The following TULP4 variants were observed in gnomAD, a reference collection of about 807,000 sequenced individuals.
TULP4 encodes the protein TUB like protein 4.
TULP4 carries 16 observed loss-of-function variants against 129.0 expected under a neutral mutation model. The observed-to-expected ratio is 0.12, with a 90% CI of 0.08 to 0.19. The LOEUF is 0.19. Ranked by LOEUF, TULP4 falls within the 10% of genes least tolerant of loss-of-function variation. The pLI, the probability that TULP4 is intolerant of heterozygous loss-of-function variation, is 1.00. For synonymous variants in TULP4, 998 were observed against 854.0 expected (o/e 1.17, Z -2.94); for missense variants, 1,842 against 2,059.1 (o/e 0.89, Z 2.04).
At chr6:158,388,331 T>TTTTC (rs1777501590) in intron 1 of TULP4, among the ~76,000 whole-genome samples, 5 of 85,832 alleles carry the variant, frequency 5.8e-5, no homozygotes, top group Non-Finnish European at 1.2e-4. Flanking sequence ...TCTTTTTTTT[T>TTTTC]TTTTTTTTTT....
intron 1 of TULP4, among the ~76,000 whole-genome samples, chr6:158,392,828 G>A (rs1212189115): frequency 3.0e-5 from 1 of 33,144 alleles, no homozygotes; most frequent in African/African-American, 2.0e-4. Context: ...TTGAGATGGA[G>A]TCTCGCTCCA....
intron 13 of TULP4, among the ~76,000 whole-genome samples, chr6:158,504,591 C>T (rs1031153986): frequency 3.3e-5 from 5 of 151,382 alleles, no homozygotes; most frequent in African/African-American, 1.2e-4. Flanking sequence ...CTCCTGACCT[C>T]GTGATCTGCC....
intron 1 of TULP4, among the ~76,000 whole-genome samples, chr6:158,368,534 T>C (rs979720079): frequency 2.0e-5 from 3 of 152,202 alleles, no homozygotes; most frequent in Non-Finnish European, 4.4e-5. Context: ...AATCTATCTC[T>C]AGTAGTGTTT....
intron 3 of TULP4, among the ~76,000 whole-genome samples, chr6:158,443,979 G>C (rs553866605): frequency 2.0e-5 from 3 of 152,006 alleles, no homozygotes; most frequent in Admixed American, 1.3e-4. Context: ...CAGCACTTTG[G>C]GGGGCCAGGG....
intron 1 of TULP4, among the ~76,000 whole-genome samples, chr6:158,400,157 A>T (rs191442584): frequency 6.6e-6 from 1 of 152,376 alleles, no homozygotes; most frequent in Non-Finnish European, 1.5e-5. Flanking sequence ...TACCAAATTG[A>T]AAAAACATTT....
chr6:158,422,895 A>T (rs1031441642), intron 2 of TULP4, among the ~76,000 whole-genome samples: 8 of 152,356 alleles, frequency 5.3e-5, no homozygotes, highest in South Asian at 4.1e-4. Flanking sequence ...GTTGCCAGGA[A>T]CACCTGGGAC....
chr6:158,317,914 A>G (rs1779527762), intron 1 of TULP4, among the ~76,000 whole-genome samples: 1 of 152,124 alleles, frequency 6.6e-6, no homozygotes, highest in Non-Finnish European at 1.5e-5. Flanking sequence ...ACCAGTGATG[A>G]TGAGCATTTT....
intron 1 of TULP4, among the ~76,000 whole-genome samples, chr6:158,233,200 C>G (rs972205274): frequency 6.6e-6 from 1 of 152,234 alleles, no homozygotes. Context: ...ACCTGCTGAA[C>G]TGCCCTTGTC....
chr6:158,461,371 A>G (rs1178741811), intron 5 of TULP4, among the ~76,000 whole-genome samples, 192 bp from the exon 6 acceptor site: 1 of 151,464 alleles, frequency 6.6e-6, no homozygotes, highest in East Asian at 1.9e-4. Context: ...AGATCACGCC[A>G]TTGCACTCCA....
At chr6:158,416,528 G>C (rs1778212709) in intron 2 of TULP4, among the ~76,000 whole-genome samples, 1 of 152,190 alleles carries the variant, frequency 6.6e-6, no homozygotes, top group South Asian at 2.1e-4. Flanking sequence ...ACAGCTATAT[G>C]TTTGTGTTTT....
intron 1 of TULP4, among the ~76,000 whole-genome samples, chr6:158,379,097 G>T (rs1417316353): frequency 6.6e-6 from 1 of 152,204 alleles, no homozygotes; most frequent in African/African-American, 2.4e-5. Flanking sequence ...GAGAGTCCAG[G>T]CTGGCGGCAT....
intron 1 of TULP4, among the ~76,000 whole-genome samples, chr6:158,294,667 CTCT>C (rs1278582743): frequency 6.6e-6 from 1 of 152,138 alleles, no homozygotes; most frequent in African/African-American, 2.4e-5. Context: ...CCTCCTCCTC[CTCT>C]ACTTCCTTCT....
chr6:158,476,225 C>T (rs1779817506), intron 6 of TULP4, among the ~76,000 whole-genome samples: 1 of 152,154 alleles, frequency 6.6e-6, no homozygotes, highest in African/African-American at 2.4e-5. Context: ...CGTGCCCTGC[C>T]CTCTCCCAGA....
chr6:158,444,626 T>C (rs996575506), intron 3 of TULP4, among the ~76,000 whole-genome samples: 1 of 152,222 alleles, frequency 6.6e-6, no homozygotes. Flanking sequence ...TGAGATACTG[T>C]GGCTTCCAAA....
chr6:158,246,023 G>GGGGGGTGTGTGTGTGTGTGT, intron 1 of TULP4, among the ~76,000 whole-genome samples: 2 of 145,920 alleles, frequency 1.4e-5, no homozygotes, highest in East Asian at 4.1e-4. Flanking sequence ...ACCCCTTAGG[G>GGGGGGTGTGTGTGTGTGTGT]GTGTGTGTGT....
Position 158,346,285 on chromosome 6 carries a change from G to T in TULP4, c.252+32017G>T, listed in dbSNP as rs151295886. ...AGAGATTAAAGTAAGACAGGCATAA[G>T]AAATTATGAAAGTATTATTTGGGAA... is the stretch of plus-strand genomic sequence containing the variant. On this transcript the variant is annotated intron_variant, in intron 1 of 13. Transcript: ENST00000367097. Among the ~76,000 whole-genome samples the T allele has an allele frequency of 2.8e-3, 423 of 152,342 alleles. 8 individuals carry two copies. The highest frequency in any genetic ancestry group is 0.025 in the Admixed American group (375 of 15,304).
At chr6:158,252,494 G>A (rs1778162517) in intron 1 of TULP4, among the ~76,000 whole-genome samples, 2 of 151,996 alleles carry the variant, frequency 1.3e-5, no homozygotes, top group South Asian at 4.2e-4. Context: ...TCCTGTCTCA[G>A]CCTCCCAAGT....
At chr6:158,252,284 G>A (rs1778155525) in intron 1 of TULP4, among the ~76,000 whole-genome samples, 1 of 147,436 alleles carries the variant, frequency 6.8e-6, no homozygotes, top group Non-Finnish European at 1.5e-5. Flanking sequence ...TTTCTACCTT[G>A]ATTTTTTAGA....
chr6:158,365,150 C>T (rs1053593682), intron 1 of TULP4, among the ~76,000 whole-genome samples: 2 of 151,970 alleles, frequency 1.3e-5, no homozygotes, highest in African/African-American at 4.8e-5. Flanking sequence ...TGCCTCCCCA[C>T]CACTCCTTCT....
Sources: allele counts gnomAD v4.1 joint callset (sites outside exome capture counted in the v4.1 genomes callset), GRCh38; gene constraint gnomAD v4.1.1; transcripts MANE v1.5; gene names NCBI Gene and HGNC (gene_info 2026-07-23, HGNC 2026-07-21).